The following XIRP2 variants were observed in gnomAD, a reference collection of about 807,000 sequenced individuals.
XIRP2 encodes the protein xin actin-binding repeat-containing protein 2.
Under a neutral mutation model 277.0 loss-of-function variants are expected in XIRP2, and 236 were observed. The ratio of observed to expected loss-of-function variants is 0.85; its 90% confidence interval spans 0.77 to 0.95. The LOEUF is 0.95. XIRP2 is among the 40% of genes least tolerant of loss of function. The probability of loss-of-function intolerance (pLI) is 0.00; values close to 1 mark genes in which losing one functional copy is unlikely to be tolerated. For missense variants in XIRP2, 4,640 were observed against 4,157.5 expected, an observed-to-expected ratio of 1.12 and a Z score of -3.19; for synonymous variants, 1,490 against 1,416.5, an observed-to-expected ratio of 1.05 and a Z score of -1.17.
intron 3 of XIRP2, among the ~76,000 whole-genome samples, chr2:167,155,997 A>G (rs1285265218): frequency 6.7e-6 from 1 of 150,268 alleles, no homozygotes; most frequent in Non-Finnish European, 1.5e-5. Flanking sequence ...CCCATTCACA[A>G]TTGCTTCAAA....
At chr2:167,147,193 C>T (rs917286432) in intron 3 of XIRP2, among the ~76,000 whole-genome samples, 1 of 152,026 alleles carries the variant, frequency 6.6e-6, no homozygotes, top group Non-Finnish European at 1.5e-5. Flanking sequence ...AGTGAAATTG[C>T]TGAGTATATG....
intron 2 of XIRP2, among the ~76,000 whole-genome samples, chr2:167,127,336 A>G (rs544008669): frequency 6.6e-6 from 1 of 152,330 alleles, no homozygotes; most frequent in South Asian, 2.1e-4. Context: ...AGATGGCAGT[A>G]ACATGATCTG....
Position 166,937,205 on chromosome 2 carries a change from C to T in XIRP2, c.408+33315C>T, listed in dbSNP as rs528204161. Among the ~76,000 whole-genome samples the T allele has an allele frequency of 1.9e-3, 284 of 152,178 alleles. 1 individual carries two copies. Among genetic ancestry groups the T allele is most frequent in the Middle Eastern group, 0.014 (4 of 294 alleles). On this transcript the variant is annotated intron_variant, in intron 2 of 10. Coordinates refer to ENST00000409195, the MANE Select transcript of XIRP2 (RefSeq NM_152381.6). ...GAATGCTTCCAGTTTTTTCCCATTC[C>T]GTATGATATTGGCTGTGGGTTTGTC...
intron 3 of XIRP2, among the ~76,000 whole-genome samples, chr2:167,149,889 A>G (rs933796862): frequency 1.3e-5 from 2 of 152,102 alleles, no homozygotes; most frequent in African/African-American, 4.8e-5. Flanking sequence ...ATTAATATCC[A>G]GGATATGTAG....
Position 167,245,755 on chromosome 2 carries a change from C to T in XIRP2, c.4363C>T (p.Leu1455=), listed in dbSNP as rs202071210. Residue 1455 remains leucine (L), a synonymous_variant, in exon 9 of 11, where the codon CTA becomes TTA. Coordinates refer to ENST00000409195, the MANE Select transcript of XIRP2 (RefSeq NM_152381.6). ...GGGCAATGTTAAAACATCTACTTGG[C>T]TATTTGAAACCCACACTATGGATGA... ...QKGNVKTSTW[L]FETHTMDELR... is the part of the protein sequence containing the mutation. 6.5e-4 allele frequency: 1,049 copies of T among 1,613,636 alleles called. 16 individuals carry two copies. The South Asian group carries it at 0.011, about 17-fold the overall frequency.
chr2:166,932,666 T>G (rs1558920450), intron 2 of XIRP2, among the ~76,000 whole-genome samples: 2 of 152,250 alleles, frequency 1.3e-5, no homozygotes, highest in Non-Finnish European at 2.9e-5. Flanking sequence ...GAATCTTTAC[T>G]ATTTTTCACA....
chr2:167,160,344 G>T (rs1193277045), intron 3 of XIRP2, among the ~76,000 whole-genome samples: 2 of 152,162 alleles, frequency 1.3e-5, no homozygotes, highest in Non-Finnish European at 2.9e-5. Context: ...ATGCACACAA[G>T]CATATAGAAA....
intron 3 of XIRP2, among the ~76,000 whole-genome samples, chr2:167,149,346 G>A (rs1435065578): frequency 6.6e-6 from 1 of 152,140 alleles, no homozygotes; most frequent in African/African-American, 2.4e-5. Context: ...TAAAGTTCCA[G>A]TGAGAATGAG....
At chr2:167,026,212 GC>G (rs1688153001) in intron 2 of XIRP2, among the ~76,000 whole-genome samples, 1 of 152,060 alleles carries the variant, frequency 6.6e-6, no homozygotes, top group Admixed American at 6.6e-5. Context: ...TTATGTAATG[GC>G]CTTCTTTGTC....
At chr2:167,119,468 G>C (rs989086621) in intron 2 of XIRP2, among the ~76,000 whole-genome samples, 1 of 152,126 alleles carries the variant, frequency 6.6e-6, no homozygotes, top group African/African-American at 2.4e-5. Context: ...TGACTTATTT[G>C]CAAGTTCAAC....
chr2:166,925,163 C>A (rs1276931595), intron 2 of XIRP2, among the ~76,000 whole-genome samples: 1 of 152,016 alleles, frequency 6.6e-6, no homozygotes, highest in East Asian at 1.9e-4. Context: ...AGCTGTCAAC[C>A]TACAATCAGT....
In XIRP2 at chr2:166,963,378, G is replaced by T. The variant is rs1334516148; in HGVS notation, c.408+59488G>T. On this transcript the variant is annotated intron_variant, in intron 2 of 10. Coordinates refer to ENST00000409195, the MANE Select transcript of XIRP2 (RefSeq NM_152381.6). ...GTTGGAGATTCAGAGATGACAAGTC[G>T]ACCATTCTCAGAGTTACACGTTCAG... Among the ~76,000 whole-genome samples, 7 of 151,576 alleles carry T rather than the reference G, an allele frequency of 4.6e-5. No homozygotes were observed. In the South Asian group the frequency reaches 8.3e-4, roughly 18 times the overall value.
At chr2:167,154,649 TATTTAA>T (rs1692128315) in intron 3 of XIRP2, among the ~76,000 whole-genome samples, 2 of 151,844 alleles carry the variant, frequency 1.3e-5, no homozygotes, top group South Asian at 4.1e-4. Context: ...TCCTAGCACC[TATTTAA>T]ATTGACACCC....
intron 2 of XIRP2, among the ~76,000 whole-genome samples, chr2:167,018,476 A>G (rs541051476): frequency 6.6e-6 from 1 of 152,204 alleles, no homozygotes; most frequent in South Asian, 2.1e-4. Flanking sequence ...TATTTAGTCC[A>G]TGATAAGAAA....
intron 2 of XIRP2, among the ~76,000 whole-genome samples, chr2:166,945,325 G>T (rs925535108): frequency 3.9e-5 from 6 of 152,036 alleles, no homozygotes; most frequent in Non-Finnish European, 8.8e-5. Flanking sequence ...AAAAATAGGA[G>T]TGTATGTCTT....
At chr2:167,236,867 G>T (rs1694914839) in intron 5 of XIRP2, among the ~76,000 whole-genome samples, 1 of 152,112 alleles carries the variant, frequency 6.6e-6, no homozygotes, top group South Asian at 2.1e-4. Flanking sequence ...GCATTACGAT[G>T]ATCCAGCTTT....
At chr2:167,128,001 C>T (rs1040226250) in intron 2 of XIRP2, among the ~76,000 whole-genome samples, 3 of 152,274 alleles carry the variant, frequency 2.0e-5, no homozygotes, top group South Asian at 2.1e-4. Context: ...GTGGTCAGTC[C>T]GGAAGGAAGC....
intron 3 of XIRP2, among the ~76,000 whole-genome samples, chr2:167,161,991 A>G (rs942320897): frequency 3.9e-5 from 6 of 152,146 alleles, no homozygotes; most frequent in Non-Finnish European, 8.8e-5. Context: ...TCAAAGTTCC[A>G]CAAATCTCTA....
Position 167,245,546 on chromosome 2 carries a change from G to A in XIRP2, c.4154G>A (p.Ser1385Asn), listed in dbSNP as rs761709211. 1 of 1,613,482 alleles carries A rather than the reference G, an allele frequency of 6.2e-7. No individual in the cohort carries two copies. The highest frequency in any genetic ancestry group is 8.5e-7 in the Non-Finnish European group (1 of 1,179,748). ...GAAGACATTCAGAAGGGAGATGTTA[G>A]TTCTGTCAGATACAGATTTGAAACT... ...TQEDIQKGDV[S>N]SVRYRFETQP... Residue 1385 changes from serine (S) to asparagine (N), a missense_variant, in exon 9 of 11, where the codon AGT (serine) becomes AAT (asparagine). Physicochemically the swap from Ser to Asn is conservative, Grantham distance 46. Transcript: ENST00000409195.
Sources: gnomAD v4.1 joint callset for allele counts (sites outside exome capture counted in the v4.1 genomes callset) on GRCh38, gnomAD v4.1.1 for gene constraint, MANE v1.5 for transcripts, NCBI Gene and HGNC (gene_info 2026-07-23, HGNC 2026-07-21) for gene names.